Variants in PANK2 observed in about 807,000 individuals in gnomAD.
PANK2 encodes the protein pantothenate kinase 2, mitochondrial.
In PANK2, 36 loss-of-function variants were observed where a neutral mutation model predicts 43.1. The ratio of observed to expected loss-of-function variants is 0.84; its 90% CI spans 0.64 to 1.10. PANK2 has a LOEUF of 1.10. PANK2 is among the 50% of genes least tolerant of loss of function. The pLI is 0.00. For missense variants in PANK2, 576 were observed against 593.3 expected (o/e 0.97, Z 0.30); for synonymous variants, 281 against 238.2 (o/e 1.18, Z -1.66).
At chr20:3,908,494 A>G (rs892213180) in intron 2 of PANK2, among the ~76,000 whole-genome samples, 3 of 152,180 alleles carry the variant, frequency 2.0e-5, no homozygotes, top group Admixed American at 6.6e-5. Flanking sequence ...AAAGGGTAGC[A>G]TTTTATTGCT....
At chr20:3,889,892 C>A (rs1174353065) in intron 1 of PANK2, 164 bp downstream of exon 1, 1 of 1,532,412 alleles carries the variant, frequency 6.5e-7, no homozygotes, top group African/African-American at 1.4e-5. Flanking sequence ...GCCTCGGGTG[C>A]TCCGAAAGCG....
chr20:3,899,109 C>T (rs555949810), intron 1 of PANK2, among the ~76,000 whole-genome samples: 1 of 151,344 alleles, frequency 6.6e-6, no homozygotes, highest in Admixed American at 6.6e-5. Flanking sequence ...CTCCTGACCC[C>T]GTGATCCACC....
chr20:3,896,730 C>G (rs948635704), intron 1 of PANK2, among the ~76,000 whole-genome samples: 3 of 152,150 alleles, frequency 2.0e-5, no homozygotes, highest in Non-Finnish European at 2.9e-5. Context: ...GATGGCCAAA[C>G]AAGAGGTTCC....
At chr20:3,902,165 T>TC (rs2090312569) in intron 1 of PANK2, among the ~76,000 whole-genome samples, 2 of 142,970 alleles carry the variant, frequency 1.4e-5, no homozygotes, top group Admixed American at 7.2e-5. Flanking sequence ...CCCTCTCTCT[T>TC]TTTTTTTTTT....
chr20:3,915,386 C>T (rs1004547309), intron 4 of PANK2, among the ~76,000 whole-genome samples: 3 of 152,084 alleles, frequency 2.0e-5, no homozygotes, highest in South Asian at 2.1e-4. Context: ...GCAACCTCCA[C>T]CTCCCGGGTT....
intron 1 of PANK2, among the ~76,000 whole-genome samples, chr20:3,890,542 G>GT (rs1251220235): frequency 2.0e-5 from 3 of 152,348 alleles, no homozygotes; most frequent in African/African-American, 7.2e-5. Flanking sequence ...GCTGTTGAAA[G>GT]TATCAATTGT....
chr20:3,899,147 T>G (rs1265830395), intron 1 of PANK2, among the ~76,000 whole-genome samples: 1 of 151,454 alleles, frequency 6.6e-6, no homozygotes, highest in African/African-American at 2.4e-5. Flanking sequence ...GTGCTGGGAT[T>G]ACAGGCGTGA....
At chr20:3,910,942 A>T in intron 3 of PANK2, 112 bp downstream of exon 3, 1 of 1,332,512 alleles carries the variant, frequency 7.5e-7, no homozygotes, top group Non-Finnish European at 1.1e-6. Context: ...GTGTTTCTGG[A>T]TTATGCAAAC....
chr20:3,920,449 G>A lies in PANK2; in HGVS notation c.1332+1653G>A, dbSNP rs778964343. On this transcript the variant is annotated intron_variant, in intron 6 of 6. Coordinates refer to ENST00000610179, the MANE Select transcript of PANK2 (RefSeq NM_001386393.1). ...GGAGAATCTCTTGAATCTGGGAGGC[G>A]GAGGTTGCAGTGAGCTGAGATCGCA... 9.4e-4 allele frequency among the ~76,000 whole-genome samples: 143 copies of A among 152,034 alleles called. 2 individuals carry two copies. Among genetic ancestry groups the A allele is most frequent in the Non-Finnish European group, 3.1e-4 (21 of 67,996 alleles).
intron 4 of PANK2, 135 bp downstream of exon 4, chr20:3,912,769 G>A: frequency 1.1e-6 from 1 of 904,808 alleles, no homozygotes; most frequent in Non-Finnish European, 1.7e-6. Flanking sequence ...GGCCAACATA[G>A]TGTAACCCTG....
intron 4 of PANK2, among the ~76,000 whole-genome samples, chr20:3,913,556 C>T (rs1351318158): frequency 6.6e-6 from 1 of 151,954 alleles, no homozygotes; most frequent in Non-Finnish European, 1.5e-5. Flanking sequence ...GTTGGCCGGG[C>T]AGGTCTCGAA....
chr20:3,892,396 A>C (rs1469617757), intron 1 of PANK2, among the ~76,000 whole-genome samples: 2 of 151,848 alleles, frequency 1.3e-5, no homozygotes, highest in African/African-American at 2.4e-5. Flanking sequence ...ACCCTCCTAG[A>C]GTATACTTCA....
chr20:3,914,338 C>T (rs905196709), intron 4 of PANK2, among the ~76,000 whole-genome samples: 5 of 152,000 alleles, frequency 3.3e-5, no homozygotes, highest in African/African-American at 7.2e-5. Context: ...TTTTAAGAGG[C>T]AGGGTCTCGC....
At chr20:3,917,742 ATT>A (rs764464874) in intron 5 of PANK2, among the ~76,000 whole-genome samples, 11 of 152,246 alleles carry the variant, frequency 7.2e-5, no homozygotes, top group Admixed American at 1.3e-4. Context: ...GACACAAAGG[ATT>A]TGTCTCATTT....
At chr20:3,892,469 G>A (rs914919118) in intron 1 of PANK2, among the ~76,000 whole-genome samples, 3 of 151,866 alleles carry the variant, frequency 2.0e-5, no homozygotes, top group Admixed American at 6.6e-5. Context: ...GGGAGGTTTG[G>A]GTATGGAATG....
chr20:3,904,887 T>C (rs576554309), intron 1 of PANK2, among the ~76,000 whole-genome samples: 1 of 152,328 alleles, frequency 6.6e-6, no homozygotes, highest in Admixed American at 6.5e-5. Context: ...GGTTTGAGAA[T>C]TCCTGTTCTT....
chr20:3,890,340 C>T (rs1851398906), intron 1 of PANK2, among the ~76,000 whole-genome samples: 1 of 152,194 alleles, frequency 6.6e-6, no homozygotes, highest in Admixed American at 6.5e-5. Flanking sequence ...CGATTCAGAA[C>T]TGTGGCATTC....
At chr20:3,896,250 T>TTTTTTGTG (rs1164849334) in intron 1 of PANK2, among the ~76,000 whole-genome samples, 3 of 110,606 alleles carry the variant, frequency 2.7e-5, no homozygotes, top group African/African-American at 9.5e-5. Context: ...TTTTTTTTTT[T>TTTTTTGTG]TGTATTTTTA....
intron 6 of PANK2, chr20:3,921,242 T>A (rs1236486757): frequency 7.0e-6 from 1 of 143,874 alleles, no homozygotes; most frequent in Non-Finnish European, 1.5e-5. Context: ...GATGTTCCCC[T>A]TCCTGTGTCC....
Sources: gnomAD v4.1 joint callset for allele counts (sites outside exome capture counted in the v4.1 genomes callset) on GRCh38, gnomAD v4.1.1 for gene constraint, MANE v1.5 for transcripts, NCBI Gene and HGNC (gene_info 2026-07-23, HGNC 2026-07-21) for gene names.